C12orf42: variants seen among roughly 807,000 people sequenced by gnomAD.
C12orf42 encodes the protein chromosome 12 open reading frame 42, also known as uncharacterized protein C12orf42.
A neutral mutation model predicts 21.6 loss-of-function variants in C12orf42; 25 were observed. That is an observed-to-expected ratio of 1.16 (90% CI 0.84 to 1.62). The LOEUF is 1.62. Ranked by LOEUF, C12orf42 falls within the 40% of genes most tolerant of loss-of-function variation. The probability of loss-of-function intolerance (pLI) is 0.00; values close to 1 mark genes in which losing one functional copy is unlikely to be tolerated. For synonymous variants in C12orf42, 174 were observed against 175.0 expected, an observed-to-expected ratio of 0.99 and a Z score of 0.05; for missense variants, 483 against 459.3, an observed-to-expected ratio of 1.05 and a Z score of -0.47.
At chr12:103,241,676 A>T (rs2033753530) in intron 10 of C12orf42, among the ~76,000 whole-genome samples, 1 of 152,156 alleles carries the variant, frequency 6.6e-6, no homozygotes. Context: ...CAACCTTAAA[A>T]TTGTATCTTC....
At chr12:103,238,254 GGCT>G (rs2033549429) in intron 10 of C12orf42, among the ~76,000 whole-genome samples, 1 of 151,804 alleles carries the variant, frequency 6.6e-6, no homozygotes, top group South Asian at 2.1e-4. Context: ...TACTGTGTGT[GGCT>G]GCTTTCACAC....
the C12orf42 span, among the ~76,000 whole-genome samples, chr12:103,546,997 A>T: frequency 6.6e-6 from 1 of 152,196 alleles, no homozygotes; most frequent in African/African-American, 2.4e-5. Context: ...GTCTTCATCA[A>T]ACCTGGCATA....
At chr12:103,411,885 G>A (rs951064713) in intron 2 of C12orf42, among the ~76,000 whole-genome samples, 3 of 152,092 alleles carry the variant, frequency 2.0e-5, no homozygotes, top group Non-Finnish European at 4.4e-5. Context: ...ATACACAGAG[G>A]GAGACAGGCA....
intron 4 of C12orf42, among the ~76,000 whole-genome samples, chr12:103,321,636 C>T (rs2040137648): frequency 7.0e-6 from 1 of 141,908 alleles, no homozygotes; most frequent in Non-Finnish European, 1.5e-5. Context: ...CAATGATAGA[C>T]TGGATTAAGA....
intron 3 of C12orf42, among the ~76,000 whole-genome samples, chr12:103,371,672 G>A (rs1344375421): frequency 1.3e-5 from 2 of 152,046 alleles, no homozygotes; most frequent in African/African-American, 2.4e-5. Flanking sequence ...TCCTGACTTG[G>A]TTAGAGCCAC....
chr12:103,286,078 T>C (rs1425552147), intron 4 of C12orf42, among the ~76,000 whole-genome samples: 1 of 151,764 alleles, frequency 6.6e-6, no homozygotes, highest in Non-Finnish European at 1.5e-5. Flanking sequence ...GAAACATCTT[T>C]ACTAAAAATA....
At chr12:103,235,090 G>A (rs2033428423), downstream of C12orf42, among the ~76,000 whole-genome samples, 1 of 152,204 alleles carries the variant, frequency 6.6e-6, no homozygotes, top group South Asian at 2.1e-4. Context: ...AGTGTTCTGA[G>A]TTACAGCAAA....
downstream of C12orf42, among the ~76,000 whole-genome samples, chr12:103,264,052 CTTCTT>C (rs2035042880): frequency 6.6e-6 from 1 of 152,150 alleles, no homozygotes; most frequent in African/African-American, 2.4e-5. Flanking sequence ...TCCTCCTCCT[CTTCTT>C]TTCTTTTCCT....
chr12:103,488,571 A>G (rs1482003142), intron 1 of C12orf42, among the ~76,000 whole-genome samples: 1 of 152,138 alleles, frequency 6.6e-6, no homozygotes, highest in Non-Finnish European at 1.5e-5. Flanking sequence ...CATTCTCCCC[A>G]TTACTTTCAC....
the C12orf42 span, among the ~76,000 whole-genome samples, chr12:103,523,050 C>G: frequency 7.2e-3 from 1,100 of 152,342 alleles, 17 homozygotes; most frequent in African/African-American, 0.025. Flanking sequence ...TGATGTCAGT[C>G]TGAAGAGCCA....
At chr12:103,435,392 C>A (rs1252014876) in intron 2 of C12orf42, among the ~76,000 whole-genome samples, 2 of 152,224 alleles carry the variant, frequency 1.3e-5, no homozygotes, top group African/African-American at 4.8e-5. Flanking sequence ...CGGAACAAAG[C>A]TGGATGGAGA....
the C12orf42 span, among the ~76,000 whole-genome samples, chr12:103,117,706 A>C: frequency 6.6e-6 from 1 of 152,230 alleles, no homozygotes; most frequent in African/African-American, 2.4e-5. Flanking sequence ...GATTTTGCAC[A>C]CTGGATTTGC....
At chr12:103,342,885 C>T (rs563474203) in intron 4 of C12orf42, among the ~76,000 whole-genome samples, 1 of 152,184 alleles carries the variant, frequency 6.6e-6, no homozygotes, top group Non-Finnish European at 1.5e-5. Context: ...TGCTTGGGCA[C>T]ATGCAAGGGT....
chr12:103,244,417 G>T (rs1377590185), intron 10 of C12orf42, among the ~76,000 whole-genome samples: 1 of 151,844 alleles, frequency 6.6e-6, no homozygotes, highest in Non-Finnish European at 1.5e-5. Context: ...AGGCAGTGAT[G>T]GTACTCACTC....
In C12orf42 at chr12:103,431,787, A is replaced by G. The variant is rs986336551; in HGVS notation, c.79-30112T>C. Among the ~76,000 whole-genome samples the G allele has an allele frequency of 3.9e-5, 6 of 152,352 alleles. No homozygotes were observed. The South Asian group carries it at 1.2e-3, about 32-fold the overall frequency. On this transcript the variant is annotated intron_variant, in intron 2 of 5. Transcript: ENST00000548883. The stretch of plus-strand genomic sequence containing the variant: ...GCAGCAGAACATATCCAAGTCACAC[A>G]GCACCAAAGTATGCTAGTGGCAGTG...
intron 4 of C12orf42, among the ~76,000 whole-genome samples, chr12:103,354,661 T>C (rs1364393790): frequency 1.3e-5 from 2 of 152,128 alleles, no homozygotes; most frequent in Non-Finnish European, 2.9e-5. Context: ...AAATTATAGA[T>C]AAATAGGAAG....
At chr12:103,542,241 A>C in the C12orf42 span, among the ~76,000 whole-genome samples, 2 of 152,218 alleles carry the variant, frequency 1.3e-5, no homozygotes, top group African/African-American at 4.8e-5. Flanking sequence ...TGGTTTAAAC[A>C]TTTCAAGAAT....
intron 4 of C12orf42, among the ~76,000 whole-genome samples, chr12:103,279,946 G>GT (rs201191287): frequency 1.6e-3 from 250 of 152,284 alleles, no homozygotes; most frequent in African/African-American, 5.6e-3. Flanking sequence ...GTATGACAGG[G>GT]TAAGTATAAA....
chr12:103,270,957 G>C (rs1047755048), intron 5 of C12orf42, among the ~76,000 whole-genome samples: 1 of 152,066 alleles, frequency 6.6e-6, no homozygotes, highest in Non-Finnish European at 1.5e-5. Flanking sequence ...CCCAAAACAA[G>C]GTAGGAAAGA....
Sources: allele counts gnomAD v4.1 joint callset (sites outside exome capture counted in the v4.1 genomes callset), GRCh38; gene constraint gnomAD v4.1.1; transcripts MANE v1.5; gene names NCBI Gene and HGNC (gene_info 2026-07-23, HGNC 2026-07-21).